The following GABBR1 variants were observed in gnomAD, a reference collection of about 807,000 sequenced individuals.
The protein encoded by GABBR1 is GABA-B receptor, R1 subunit.
Under a neutral mutation model 117.7 loss-of-function variants are expected in GABBR1, and 35 were observed. The observed-to-expected ratio is 0.30, with a 90% CI of 0.23 to 0.39. GABBR1 has a LOEUF of 0.39. Among genes scored for constraint, GABBR1 ranks in the 10% least tolerant of loss-of-function variants. GABBR1 has a pLI of 1.00. For synonymous variants in GABBR1, 442 were observed against 486.6 expected (o/e 0.91, Z 1.21); for missense variants, 709 against 1,241.8 (o/e 0.57, Z 6.45).
chr6:29,606,450 T>C lies in GABBR1; in HGVS notation c.2252A>G (p.Asp751Gly). 1 of 1,612,858 alleles carries C rather than the reference T, an allele frequency of 6.2e-7. No individual in the cohort carries two copies. Among genetic ancestry groups the C allele is most frequent in the Admixed American group, 1.7e-5 (1 of 60,010 alleles). The stretch of plus-strand genomic sequence containing the variant: ...CTCCAGCTGGGGCAGAATAGAGACG[T>C]CAATATCTTCCTTAGGTTCCTCCTT... Reference protein sequence around the residue: ...FAKEEPKEDIDVSILPQLEHC... With the variant: ...FAKEEPKEDIGVSILPQLEHC... Residue 751 changes from aspartate to glycine, a missense_variant, in exon 19 of 23, where the codon GAC (aspartate) becomes GGC (glycine). Around this residue, in one of 9 missense-constraint regions of GABBR1, gnomAD observed 251 missense variants for 445.3 expected, o/e 0.56. Coordinates refer to ENST00000377034, the MANE Select transcript of GABBR1 (RefSeq NM_001470.4). This position sits in a 1 kb window ranked among gnomAD's most constrained non-coding sequence, Gnocchi z 4.5.
At position 29,605,370 on chromosome 6, in the gene GABBR1, G is replaced by A. The variant is rs1761842515; in HGVS notation, c.2439+199C>T. ...TGGGGATACTAATATCTACTTCACTGGGTAGTTGCAAGATTAATGATACAA... is the reference window on the plus strand; with the variant it reads ...TGGGGATACTAATATCTACTTCACTAGGTAGTTGCAAGATTAATGATACAA... On this transcript the variant is annotated intron_variant, in intron 20 of 22. Transcript: ENST00000377034. This position sits in a 1 kb window ranked among gnomAD's most constrained non-coding sequence, Gnocchi z 4.2. The A allele has an allele frequency of 1.5e-6, 1 of 649,188 alleles. No homozygotes were observed. 40.2% of individuals were successfully genotyped at this position (649,188 alleles called of 1,614,324 possible). A position where few individuals can be genotyped will look rare whatever the true frequency, so the allele number is the denominator to read the frequency against.
In GABBR1 at chr6:29,611,637, G is replaced by A. The variant is rs1762543556; in HGVS notation, c.1631-636C>T. 6.6e-6 allele frequency among the ~76,000 whole-genome samples: 1 copy of A among 152,160 alleles called. No homozygotes were observed. Reference sequence around the variant, plus strand: ...AGAGGAGCTGAAAGGATGTGGAGGTGGGGAGAAAGGAAGAAAGAAACTTTT... The same window carrying A: ...AGAGGAGCTGAAAGGATGTGGAGGTAGGGAGAAAGGAAGAAAGAAACTTTT... On this transcript the variant is annotated intron_variant, in intron 13 of 22. Transcript: ENST00000377034. The surrounding 1 kb of genome is among the most constrained non-coding windows in gnomAD (Gnocchi z 4.6).
chr6:29,603,653 G>A lies in GABBR1; in HGVS notation c.2776C>T (p.Arg926Cys), dbSNP rs1270589674. ...GGTTCTGGGGGTGTCGGTGGGTGGC[G>A]CCGGGAGCGGAGCTGCTGCCGAGAC... is the stretch of plus-strand genomic sequence containing the variant. ...LQSRQQLRSR[R>C]HPPTPPEPSG... Residue 926 changes from arginine to cysteine, a missense_variant, in exon 23 of 23, where the codon CGC (arginine) becomes TGC (cysteine). This residue lies in a region of GABBR1 where 69 missense variants were observed against 64.3 expected (regional missense o/e 1.07). Transcript: ENST00000377034. 1.4e-5 allele frequency: 21 copies of A among 1,518,256 alleles called. No individual in the cohort carries two copies. Among genetic ancestry groups the A allele is most frequent in the East Asian group, 1.1e-4 (5 of 43,750 alleles). The allele number at this position is 1,518,256 out of a possible 1,614,324, so 94.0% of individuals were successfully genotyped here.
Position 29,627,825 on chromosome 6 carries a change from T to C in GABBR1, c.497-179A>G. On this transcript the variant is annotated intron_variant, in intron 5 of 22. Transcript: ENST00000377034. This position sits in a 1 kb window ranked among gnomAD's most constrained non-coding sequence, Gnocchi z 4.4. ...GGGCAGGGGTAGCTGTTGGGGAGCG[T>C]TAGGAGCTCAGGGGGGACACTTTTC... The C allele has an allele frequency of 1.4e-6, 2 of 1,416,614 alleles. No individual in the cohort carries two copies. Among genetic ancestry groups the C allele is most frequent in the Non-Finnish European group, 1.8e-6 (2 of 1,087,436 alleles). The allele number at this position is 1,416,614 out of a possible 1,614,324, so 87.8% of individuals were successfully genotyped here.
chr6:29,606,780 G>A lies in GABBR1; in HGVS notation c.2217+117C>T, dbSNP rs560842968. ...GAAGGAAAGGAAGAGCTTCCAATACGAGGAAGGCACTCTCTCCAAGTAGCT... is the reference window on the plus strand; with the variant it reads ...GAAGGAAAGGAAGAGCTTCCAATACAAGGAAGGCACTCTCTCCAAGTAGCT... On this transcript the variant is annotated intron_variant, in intron 18 of 22. Coordinates refer to ENST00000377034, the MANE Select transcript of GABBR1 (RefSeq NM_001470.4). This position sits in a 1 kb window ranked among gnomAD's most constrained non-coding sequence, Gnocchi z 4.5. 6 of 806,448 alleles carry A rather than the reference G, an allele frequency of 7.4e-6. No homozygotes were observed. The highest frequency in any genetic ancestry group is 4.9e-5 in the Admixed American group (2 of 40,646). The allele number at this position is 806,448 out of a possible 1,614,324, so 50.0% of individuals were successfully genotyped here.
chr6:29,623,584 C>G lies in GABBR1; in HGVS notation c.793-109G>C. 1.9e-6 allele frequency: 2 copies of G among 1,068,134 alleles called. No individual in the cohort carries two copies. The highest frequency in any genetic ancestry group is 1.6e-5 in the South Asian group (1 of 62,598). The allele number at this position is 1,068,134 out of a possible 1,614,324, so 66.2% of individuals were successfully genotyped here. On this transcript the variant is annotated intron_variant, in intron 7 of 22. Coordinates refer to ENST00000377034, the MANE Select transcript of GABBR1 (RefSeq NM_001470.4). This position sits in a 1 kb window ranked among gnomAD's most constrained non-coding sequence, Gnocchi z 6.2. ...TGCCTTTGGGTTTCTCTTCCTTACT[C>G]TCTCCAAACCTCCCCACCTCTGGTC...
Position 29,627,991 on chromosome 6 carries a change from C to T in GABBR1, c.497-345G>A. On this transcript the variant is annotated intron_variant, in intron 5 of 22. Transcript: ENST00000377034. The surrounding 1 kb of genome is among the most constrained non-coding windows in gnomAD (Gnocchi z 4.4). ...GCTCTCGCCACCGTCGCCGCCACCG[C>T]GGACTCTCCTCGCGGACTGACTGAC... 1 of 1,338,512 alleles carries T rather than the reference C, an allele frequency of 7.5e-7. No individual in the cohort carries two copies. The highest frequency in any genetic ancestry group is 9.5e-7 in the Non-Finnish European group (1 of 1,053,850). The allele number at this position is 1,338,512 out of a possible 1,614,324, so 82.9% of individuals were successfully genotyped here.
chr6:29,608,183 C>A (rs1462502491), intron 16 of GABBR1, among the ~76,000 whole-genome samples: 2 of 152,324 alleles, frequency 1.3e-5, no homozygotes, highest in East Asian at 1.9e-4. Context: ...CCCTTCCCCC[C>A]AACTCTCTGC....
intron 11 of GABBR1, among the ~76,000 whole-genome samples, chr6:29,617,820 G>T (rs1763316120): frequency 6.6e-6 from 1 of 152,108 alleles, no homozygotes; most frequent in African/African-American, 2.4e-5. Flanking sequence ...CCTTACACAG[G>T]ATGATGATGA....
rs1359124132 is a variant in GABBR1, at chr6:29,629,126, G to A, written c.476-19C>T. 7 of 1,612,958 alleles carry A rather than the reference G, an allele frequency of 4.3e-6. No homozygotes were observed. Among genetic ancestry groups the A allele is most frequent in the Non-Finnish European group, 5.9e-6 (7 of 1,180,008 alleles). On this transcript the variant is annotated intron_variant, in intron 4 of 22. Transcript: ENST00000377034. The stretch of plus-strand genomic sequence containing the variant: ...CGATTCACTGGCAGCAGGAAAGACG[G>A]GGATCAGAGAAGAGTTACCACTGGC...
chr6:29,614,981 CAA>C (rs202165362), intron 11 of GABBR1, among the ~76,000 whole-genome samples: 6 of 81,172 alleles, frequency 7.4e-5, no homozygotes, highest in Non-Finnish European at 1.1e-4. Flanking sequence ...TAAAACTGCT[CAA>C]AAAAAAAAAA....
In GABBR1 at chr6:29,613,160, A is replaced by T; in HGVS notation, c.1566+83T>A. On this transcript the variant is annotated intron_variant, in intron 12 of 22. Transcript: ENST00000377034. This position sits in a 1 kb window ranked among gnomAD's most constrained non-coding sequence, Gnocchi z 4.1. ...AAAGAAGTAACTGAGAAAAACAGAGAATGCATGTTTGTAGAAGGTGCCTCT... is the reference window on the plus strand; with the variant it reads ...AAAGAAGTAACTGAGAAAAACAGAGTATGCATGTTTGTAGAAGGTGCCTCT... 7.2e-7 allele frequency: 1 copy of T among 1,397,374 alleles called. No homozygotes were observed. The highest frequency in any genetic ancestry group is 1.0e-6 in the Non-Finnish European group (1 of 1,000,890). The allele number at this position is 1,397,374 out of a possible 1,614,324, so 86.6% of individuals were successfully genotyped here. A position where few individuals can be genotyped will look rare whatever the true frequency, so the allele number is the denominator to read the frequency against.
chr6:29,606,997 T>C lies in GABBR1; in HGVS notation c.2117A>G (p.Glu706Gly), dbSNP rs749830416. Residue 706 changes from glutamate to glycine, a missense_variant, in exon 18 of 23, where the codon GAA (glutamate) becomes GGA (glycine). Physicochemically the swap from Glu to Gly is moderately conservative, Grantham distance 98. Around this residue, in one of 9 missense-constraint regions of GABBR1, gnomAD observed 251 missense variants for 445.3 expected, o/e 0.56. Transcript: ENST00000377034. This position sits in a 1 kb window ranked among gnomAD's most constrained non-coding sequence, Gnocchi z 4.5. ...EEKKEWRKTL[E>G]PWKLYATVGL... Reference sequence around the variant, plus strand: ...CACTGTGGCATACAGCTTCCAGGGTTCCAGAGTCTGGATAAATATGTGGGG... The same window carrying C: ...CACTGTGGCATACAGCTTCCAGGGTCCCAGAGTCTGGATAAATATGTGGGG... 2.0e-5 allele frequency: 33 copies of C among 1,613,896 alleles called. No homozygotes were observed. The highest frequency in any genetic ancestry group is 2.6e-5 in the Non-Finnish European group (31 of 1,179,858).
At position 29,627,984 on chromosome 6, in the gene GABBR1, G is replaced by A. The variant is rs1197777703; in HGVS notation, c.497-338C>T. 1 of 1,331,244 alleles carries A rather than the reference G, an allele frequency of 7.5e-7. No individual in the cohort carries two copies. 82.5% of individuals were successfully genotyped at this position (1,331,244 alleles called of 1,614,324 possible). On this transcript the variant is annotated intron_variant, in intron 5 of 22. Transcript: ENST00000377034. This position sits in a 1 kb window ranked among gnomAD's most constrained non-coding sequence, Gnocchi z 4.4. ...CCCCGCGGCTCTCGCCACCGTCGCC[G>A]CCACCGCGGACTCTCCTCGCGGACT...
intron 13 of GABBR1, 67 bp downstream of exon 13, chr6:29,612,484 C>G: frequency 7.3e-7 from 1 of 1,379,164 alleles, no homozygotes; most frequent in South Asian, 1.2e-5. Context: ...CATTCTTCCC[C>G]AGGGGGCATC....
chr6:29,622,905 A>G lies in GABBR1; in HGVS notation c.963+400T>C, dbSNP rs1763904640. Among the ~76,000 whole-genome samples the G allele has an allele frequency of 6.7e-6, 1 of 149,652 alleles. No homozygotes were observed. The highest frequency in any genetic ancestry group is 6.7e-5 in the Admixed American group (1 of 14,974). ...CTCTCCTCTGTAATCCACTGGCTCCATCCCCTCTGTTCCCATTCACACCCA... is the reference window on the plus strand; with the variant it reads ...CTCTCCTCTGTAATCCACTGGCTCCGTCCCCTCTGTTCCCATTCACACCCA... On this transcript the variant is annotated intron_variant, in intron 8 of 22. Transcript: ENST00000377034. The surrounding 1 kb of genome is among the most constrained non-coding windows in gnomAD (Gnocchi z 4.6).
At chr6:29,614,896 G>A (rs1055062407) in intron 11 of GABBR1, among the ~76,000 whole-genome samples, 1 of 141,596 alleles carries the variant, frequency 7.1e-6, no homozygotes, top group Non-Finnish European at 1.5e-5. Flanking sequence ...GGAGGATGTC[G>A]ATAATGTAGA....
At position 29,611,698 on chromosome 6, in the gene GABBR1, C is replaced by T. The variant is rs896799673; in HGVS notation, c.1631-697G>A. On this transcript the variant is annotated intron_variant, in intron 13 of 22. Coordinates refer to ENST00000377034, the MANE Select transcript of GABBR1 (RefSeq NM_001470.4). This position sits in a 1 kb window ranked among gnomAD's most constrained non-coding sequence, Gnocchi z 4.6. ...CAAGAAATAGCTCTCTTGGCCATGC[C>T]GTAAAAGACTGAGAGCCGAGTGGAG... Among the ~76,000 whole-genome samples the T allele has an allele frequency of 1.3e-5, 2 of 152,080 alleles. No homozygotes were observed. Among genetic ancestry groups the T allele is most frequent in the South Asian group, 2.1e-4 (1 of 4,834 alleles).
At chr6:29,610,140 G>T (rs1384924767) in intron 14 of GABBR1, among the ~76,000 whole-genome samples, 2 of 151,096 alleles carry the variant, frequency 1.3e-5, no homozygotes, top group Non-Finnish European at 2.9e-5. Flanking sequence ...CAGGGCAGAC[G>T]GCAGCCATCT....
Sources: gnomAD v4.1 joint callset for allele counts (sites outside exome capture counted in the v4.1 genomes callset) on GRCh38, gnomAD v4.1.1 for gene constraint, gnomAD v4.1.1 regional missense constraint, Gnocchi (gnomAD v3.1) non-coding constraint, MANE v1.5 for transcripts, NCBI Gene and HGNC (gene_info 2026-07-23, HGNC 2026-07-21) for gene names.